CADPS2: variants seen among roughly 807,000 people sequenced by gnomAD.
CADPS2 encodes the protein calcium-dependent secretion activator 2.
A neutral mutation model predicts 172.5 loss-of-function variants in CADPS2; 93 were observed. The observed-to-expected ratio is 0.54, with a 90% CI of 0.46 to 0.64. The LOEUF is 0.64. Among genes scored for constraint, CADPS2 ranks in the 30% least tolerant of loss-of-function variants. The probability of loss-of-function intolerance (pLI) is 0.00; values close to 1 mark genes in which losing one functional copy is unlikely to be tolerated. For missense variants in CADPS2, 1,420 were observed against 1,565.9 expected, an observed-to-expected ratio of 0.91 and a Z score of 1.57; for synonymous variants, 546 against 555.2, an observed-to-expected ratio of 0.98 and a Z score of 0.23.
intron 25 of CADPS2, among the ~76,000 whole-genome samples, chr7:122,374,319 T>G (rs1489334125): frequency 6.6e-6 from 1 of 152,144 alleles, no homozygotes; most frequent in Admixed American, 6.6e-5. Context: ...AAATAACTTT[T>G]TTCTCTAAGA....
rs527300319 is a variant in CADPS2, at chr7:122,490,300, G to T, written c.1652-19C>A. ...TGAAGGCCTGTGGAGGAAACAAAAA[G>T]ACATCATTAAAAATTTATAGGATTG... On this transcript the variant is annotated intron_variant, in intron 10 of 29. Coordinates refer to ENST00000449022, the MANE Select transcript of CADPS2 (RefSeq NM_017954.11). 33 of 1,606,246 alleles carry T rather than the reference G, an allele frequency of 2.1e-5. 1 individual carries two copies. The South Asian group carries it at 3.5e-4, about 17-fold the overall frequency.
At chr7:122,473,118 A>G (rs192196853) in intron 13 of CADPS2, among the ~76,000 whole-genome samples, 1 of 152,290 alleles carries the variant, frequency 6.6e-6, no homozygotes, top group Middle Eastern at 3.4e-3. Context: ...TTCTCTATAC[A>G]TTGTGAATTA....
chr7:122,801,675 T>C (rs1009791403), intron 1 of CADPS2, among the ~76,000 whole-genome samples: 7 of 151,958 alleles, frequency 4.6e-5, no homozygotes, highest in African/African-American at 1.7e-4. Flanking sequence ...AAAAGAAGCA[T>C]ATGTAGGAAA....
chr7:122,811,697 T>A (rs1800058211), intron 1 of CADPS2, among the ~76,000 whole-genome samples: 1 of 152,168 alleles, frequency 6.6e-6, no homozygotes, highest in South Asian at 2.1e-4. Flanking sequence ...TGGTAATTTT[T>A]AAAAACAAAT....
chr7:122,859,202 T>C (rs142018426), intron 1 of CADPS2, among the ~76,000 whole-genome samples: 2 of 152,236 alleles, frequency 1.3e-5, no homozygotes, highest in Non-Finnish European at 2.9e-5. Flanking sequence ...GTTTATATTA[T>C]GTTAAAGAAA....
At chr7:122,867,924 T>C (rs889927366) in intron 1 of CADPS2, among the ~76,000 whole-genome samples, 16 of 152,234 alleles carry the variant, frequency 1.1e-4, no homozygotes, top group Middle Eastern at 3.4e-3. Flanking sequence ...GGCCTCTTCA[T>C]ACCTGAAGGG....
intron 6 of CADPS2, among the ~76,000 whole-genome samples, chr7:122,601,937 A>AT (rs1314306773): frequency 2.6e-5 from 4 of 152,076 alleles, no homozygotes; most frequent in Non-Finnish European, 5.9e-5. Flanking sequence ...AGAAATTATG[A>AT]TTTTAAAAAA....
chr7:122,549,568 C>T (rs995333014), intron 8 of CADPS2, among the ~76,000 whole-genome samples: 6 of 151,418 alleles, frequency 4.0e-5, no homozygotes, highest in African/African-American at 9.7e-5. Flanking sequence ...TTGCAGTGAG[C>T]GGAGATGGTG....
chr7:122,401,896 G>A (rs573877764), intron 20 of CADPS2, among the ~76,000 whole-genome samples: 2 of 152,108 alleles, frequency 1.3e-5, no homozygotes, highest in South Asian at 4.2e-4. Flanking sequence ...TGGTGCAGCT[G>A]GTGCTCTTCC....
At chr7:122,369,287 T>C (rs1037510304) in intron 25 of CADPS2, among the ~76,000 whole-genome samples, 4 of 151,948 alleles carry the variant, frequency 2.6e-5, no homozygotes, top group East Asian at 2.0e-4. Flanking sequence ...CCCGCCACCA[T>C]GCCCGGCTAA....
At chr7:122,808,181 G>T (rs1399566202) in intron 1 of CADPS2, among the ~76,000 whole-genome samples, 3 of 151,966 alleles carry the variant, frequency 2.0e-5, no homozygotes, top group Non-Finnish European at 4.4e-5. Flanking sequence ...GCTTCTATGT[G>T]TCTTCTGTAG....
intron 8 of CADPS2, among the ~76,000 whole-genome samples, chr7:122,550,332 GCATGACTCTACACAA>G (rs1483128947): frequency 6.6e-6 from 1 of 152,100 alleles, no homozygotes; most frequent in Non-Finnish European, 1.5e-5. Flanking sequence ...AAATAGCCAA[GCATGACTCTACACAA>G]AGAGAAATAT....
intron 1 of CADPS2, among the ~76,000 whole-genome samples, chr7:122,771,434 T>A (rs2093701170): frequency 6.6e-6 from 1 of 152,214 alleles, no homozygotes; most frequent in Non-Finnish European, 1.5e-5. Flanking sequence ...CACCCATGCA[T>A]CCATCCTATC....
chr7:122,437,860 C>G (rs2050839953), intron 17 of CADPS2, among the ~76,000 whole-genome samples: 1 of 150,820 alleles, frequency 6.6e-6, no homozygotes, highest in Non-Finnish European at 1.5e-5. Context: ...TCAAATGCAT[C>G]AGTACATTGC....
chr7:122,597,288 C>T lies in CADPS2; in HGVS notation c.1224-15998G>A, dbSNP rs185313539. Among the ~76,000 whole-genome samples the T allele has an allele frequency of 1.7e-4, 26 of 152,030 alleles. No homozygotes were observed. In the East Asian group the frequency reaches 3.5e-3, roughly 20 times the overall value. Reference sequence around the variant, plus strand: ...ATAAGTCCTGCCTCACATAATTACTCGGAAAAAGAAATCAGTAAGTAAAAT... The same window carrying T: ...ATAAGTCCTGCCTCACATAATTACTTGGAAAAAGAAATCAGTAAGTAAAAT... On this transcript the variant is annotated intron_variant, in intron 6 of 29. Transcript: ENST00000449022.
chr7:122,816,780 G>A (rs973835682), intron 1 of CADPS2, among the ~76,000 whole-genome samples: 12 of 152,146 alleles, frequency 7.9e-5, no homozygotes, highest in African/African-American at 2.2e-4. Context: ...TGACTTGCAC[G>A]TATATGCCCA....
At chr7:122,595,726 G>A (rs1311637652) in intron 6 of CADPS2, among the ~76,000 whole-genome samples, 1 of 151,990 alleles carries the variant, frequency 6.6e-6, no homozygotes, top group Non-Finnish European at 1.5e-5. Context: ...AGTTTCTTTA[G>A]TTGAAATAAA....
chr7:122,582,648 T>C (rs1036438204), intron 6 of CADPS2, among the ~76,000 whole-genome samples: 2 of 152,074 alleles, frequency 1.3e-5, no homozygotes, highest in Admixed American at 1.3e-4. Flanking sequence ...CTCAGTTTAG[T>C]GTTTGGAATC....
intron 9 of CADPS2, among the ~76,000 whole-genome samples, chr7:122,499,810 T>G (rs2130325721): frequency 6.6e-6 from 1 of 152,096 alleles, no homozygotes; most frequent in Middle Eastern, 3.4e-3. Flanking sequence ...TATCATCAAC[T>G]ATTGAAATAA....
Sources: gnomAD v4.1 joint callset for allele counts (sites outside exome capture counted in the v4.1 genomes callset) on GRCh38, gnomAD v4.1.1 for gene constraint, MANE v1.5 for transcripts, NCBI Gene and HGNC (gene_info 2026-07-23, HGNC 2026-07-21) for gene names.